CCDC57: variants seen among roughly 807,000 people sequenced by gnomAD.
CCDC57 encodes coiled-coil domain-containing protein 57.
Under a neutral mutation model 118.9 loss-of-function variants are expected in CCDC57, and 118 were observed. The observed-to-expected ratio is 0.99, with a 90% CI of 0.86 to 1.16. The LOEUF is 1.16. Among genes scored for constraint, CCDC57 ranks in the 50% most tolerant of loss-of-function variants. The pLI is 0.00. For missense variants in CCDC57, 1,300 were observed against 1,320.7 expected (o/e 0.98, Z 0.24); for synonymous variants, 527 against 532.9 (o/e 0.99, Z 0.15).
At chr17:82,128,971 T>C (rs2037902588) in intron 17 of CCDC57, among the ~76,000 whole-genome samples, 1 of 151,288 alleles carries the variant, frequency 6.6e-6, no homozygotes, top group South Asian at 2.1e-4. Flanking sequence ...CAGGCTGGAG[T>C]ACAGTGGCGT....
exon 4 of CCDC57, chr17:82,198,377 A>G (rs759528557): frequency 6.2e-7 from 1 of 1,613,452 alleles, no homozygotes; most frequent in Non-Finnish European, 8.5e-7. Flanking sequence ...TCCATTTTAG[A>G]TTTTCATACT....
chr17:82,141,115 A>C (rs1479301055), intron 16 of CCDC57, among the ~76,000 whole-genome samples: 2 of 150,626 alleles, frequency 1.3e-5, no homozygotes, highest in African/African-American at 4.9e-5. Context: ...GGTTCAAGCT[A>C]TTCTCCTGCC....
At chr17:82,151,039 A>G (rs1347059750) in intron 16 of CCDC57, among the ~76,000 whole-genome samples, 1 of 97,478 alleles carries the variant, frequency 1.0e-5, no homozygotes, top group Non-Finnish European at 2.0e-5. Flanking sequence ...AACCTGGCGC[A>G]CACCCAGAAC....
chr17:82,202,011 A>G, intron 2 of CCDC57, 59 bp from the exon 2 acceptor site: 1 of 1,434,132 alleles, frequency 7.0e-7, no homozygotes, highest in Non-Finnish European at 9.3e-7. Flanking sequence ...TTTTCCTACC[A>G]CAGTACCTAC....
At chr17:82,173,680 C>G (rs1182153818) in intron 11 of CCDC57, among the ~76,000 whole-genome samples, 1 of 152,200 alleles carries the variant, frequency 6.6e-6, no homozygotes, top group Non-Finnish European at 1.5e-5. Context: ...CATAATCAAG[C>G]TGCTGAAAAA....
chr17:82,107,258 G>A, intron 19 of CCDC57: 1 of 382,250 alleles, frequency 2.6e-6, no homozygotes, highest in Non-Finnish European at 5.3e-6. Flanking sequence ...GGATCCCAGG[G>A]TTTTTGGTTC....
intron 16 of CCDC57, among the ~76,000 whole-genome samples, chr17:82,140,570 T>C (rs531014870): frequency 6.6e-6 from 1 of 152,338 alleles, no homozygotes; most frequent in South Asian, 2.1e-4. Flanking sequence ...CAGAAACTTG[T>C]TGAGTACTCT....
intron 14 of CCDC57, among the ~76,000 whole-genome samples, chr17:82,160,651 G>A (rs1237301550): frequency 6.6e-6 from 1 of 152,188 alleles, no homozygotes; most frequent in East Asian, 1.9e-4. Flanking sequence ...GAGGTGGGAA[G>A]ATCACCTGAG....
chr17:82,195,456 G>A (rs909517484), intron 4 of CCDC57, 92 bp from the exon 4 acceptor site: 1 of 954,454 alleles, frequency 1.0e-6, no homozygotes, highest in Non-Finnish European at 1.6e-6. Flanking sequence ...GAGGTGAGCA[G>A]GACACAGTGT....
chr17:82,185,234 AC>A (rs1211574958), intron 8 of CCDC57: 1 of 152,366 alleles, frequency 6.6e-6, no homozygotes, highest in Non-Finnish European at 1.5e-5. Context: ...TGGAAGGATC[AC>A]CTGAGCCCAG....
At position 82,172,742 on chromosome 17, in the gene CCDC57, A is replaced by C; in HGVS notation, c.1625T>G (p.Met542Arg). 1 of 1,606,294 alleles carries C rather than the reference A, an allele frequency of 6.2e-7. No homozygotes were observed. ...AGGAATCTGATGGCTTAGAGCCTCCATTTCTTTCCTCATCTGGGCAATCGC... is the reference window on the plus strand; with the variant it reads ...AGGAATCTGATGGCTTAGAGCCTCCCTTTCTTTCCTCATCTGGGCAATCGC... Residue 542 changes from methionine (M) to arginine (R), a missense_variant, in exon 12 of 20, where the codon ATG (methionine) becomes AGG (arginine). By Grantham distance (91) the Met-to-Arg change is moderately conservative. Coordinates refer to ENST00000665763, the Ensembl canonical transcript of CCDC57. This position sits in a 1 kb window ranked among gnomAD's most constrained non-coding sequence, Gnocchi z 5.2.
At chr17:82,139,410 C>T (rs1184332805) in intron 16 of CCDC57, among the ~76,000 whole-genome samples, 2 of 152,180 alleles carry the variant, frequency 1.3e-5, no homozygotes, top group Non-Finnish European at 2.9e-5. Context: ...GGCTGGAGTG[C>T]AGTGGTGGGA....
intron 19 of CCDC57, among the ~76,000 whole-genome samples, chr17:82,109,287 A>G (rs920451652): frequency 2.5e-4 from 38 of 152,362 alleles, no homozygotes; most frequent in Admixed American, 7.2e-4. Context: ...TGTGGAGCGC[A>G]TGCCTGCGAG....
At chr17:82,116,102 CTT>C (rs34960755) in intron 19 of CCDC57, among the ~76,000 whole-genome samples, 215 of 127,786 alleles carry the variant, frequency 1.7e-3, no homozygotes, top group African/African-American at 5.1e-3. Context: ...CGGCCACAAC[CTT>C]TTTTTTTTTT....
chr17:82,202,294 C>T (rs1340522139), intron 2 of CCDC57, among the ~76,000 whole-genome samples: 1 of 152,118 alleles, frequency 6.6e-6, no homozygotes, highest in East Asian at 1.9e-4. Context: ...TGGTGAAACC[C>T]CGTCTCTACT....
At chr17:82,180,927 C>T (rs939888794) in intron 9 of CCDC57, among the ~76,000 whole-genome samples, 1 of 152,254 alleles carries the variant, frequency 6.6e-6, no homozygotes, top group African/African-American at 2.4e-5. Flanking sequence ...ACGATGAACA[C>T]ACGAGCGGTG....
chr17:82,132,035 G>A (rs942413896), intron 17 of CCDC57, among the ~76,000 whole-genome samples: 2 of 149,740 alleles, frequency 1.3e-5, no homozygotes, highest in African/African-American at 4.9e-5. Context: ...GGAGAATGGC[G>A]TGAACTCGGG....
In CCDC57 at chr17:82,118,905, G is replaced by T. The variant is rs994457263; in HGVS notation, c.2899+8787C>A. ...CTCCATTCTACTTCTGCGTATTTTC[G>T]TGGTTTGCCTTGGAGTCCCTCCCTC... On this transcript the variant is annotated intron_variant, in intron 19 of 19. Coordinates refer to ENST00000665763, the Ensembl canonical transcript of CCDC57. This position sits in a 1 kb window ranked among gnomAD's most constrained non-coding sequence, Gnocchi z 4.7. 6.6e-6 allele frequency among the ~76,000 whole-genome samples: 1 copy of T among 151,432 alleles called. No individual in the cohort carries two copies. Among genetic ancestry groups the T allele is most frequent in the African/African-American group, 2.4e-5 (1 of 41,086 alleles).
Position 82,212,512 on chromosome 17 carries a change from G to A in CCDC57, c.-211+273C>T, listed in dbSNP as rs1270643636. ...TCCCGGGGCTGCGGGGCCCTGGTCGGCAGCGCCCACCGCCCCAGGTCACCC... is the reference window on the plus strand; with the variant it reads ...TCCCGGGGCTGCGGGGCCCTGGTCGACAGCGCCCACCGCCCCAGGTCACCC... On this transcript the variant is annotated intron_variant, in intron 1 of 19. Transcript: ENST00000665763. This position sits in a 1 kb window ranked among gnomAD's most constrained non-coding sequence, Gnocchi z 4.1. 6.6e-6 allele frequency among the ~76,000 whole-genome samples: 1 copy of A among 151,714 alleles called. No homozygotes were observed. The highest frequency in any genetic ancestry group is 1.5e-5 in the Non-Finnish European group (1 of 67,922).
Sources: gnomAD v4.1 joint callset for allele counts (sites outside exome capture counted in the v4.1 genomes callset) on GRCh38, gnomAD v4.1.1 for gene constraint, Gnocchi (gnomAD v3.1) non-coding constraint, MANE v1.5 for transcripts, NCBI Gene and HGNC (gene_info 2026-07-23, HGNC 2026-07-21) for gene names.